SIPA1L2: variants seen among roughly 807,000 people sequenced by gnomAD.
SIPA1L2 encodes signal-induced proliferation-associated 1-like protein 2.
SIPA1L2 carries 56 observed loss-of-function variants against 163.9 expected under a neutral mutation model. The ratio of observed to expected loss-of-function variants is 0.34; its 90% confidence interval spans 0.28 to 0.43. The LOEUF (loss-of-function observed/expected upper bound fraction) is 0.43. Ranked by LOEUF, SIPA1L2 falls within the 20% of genes least tolerant of loss-of-function variation. The pLI is 1.00. For missense variants in SIPA1L2, 1,974 were observed against 2,193.5 expected (o/e 0.90, Z 2.00); for synonymous variants, 877 against 865.7 (o/e 1.01, Z -0.23).
At position 232,553,519 on chromosome 1, in the gene SIPA1L2, G is replaced by A. The variant is rs560223090; in HGVS notation, c.-270+20655C>T. ...GCCCTCTTCTACCCAGTATTTCCCT[G>A]TTTCCTGTCTCTTGTCCATATCACT... On this transcript the variant is annotated intron_variant, in intron 2 of 22. Coordinates refer to ENST00000674635, the MANE Select transcript of SIPA1L2 (RefSeq NM_020808.5). Among the ~76,000 whole-genome samples, 11 of 152,268 alleles carry A rather than the reference G, an allele frequency of 7.2e-5. No homozygotes were observed. The South Asian group carries it at 1.2e-3, about 17-fold the overall frequency.
At chr1:232,471,244 A>G (rs1357347290) in intron 8 of SIPA1L2, 127 bp downstream of exon 8, 3 of 1,008,438 alleles carry the variant, frequency 3.0e-6, no homozygotes, top group Non-Finnish European at 4.4e-6. Context: ...TTTCTTACAG[A>G]AAGTGTCTGA....
intron 5 of SIPA1L2, among the ~76,000 whole-genome samples, chr1:232,484,569 T>C (rs2102980503): frequency 6.6e-6 from 1 of 150,570 alleles, no homozygotes; most frequent in Non-Finnish European, 1.5e-5. Flanking sequence ...TTACATTCAT[T>C]TGTTACATTT....
intron 1 of SIPA1L2, among the ~76,000 whole-genome samples, chr1:232,607,480 G>C (rs1269421457): frequency 6.6e-6 from 1 of 152,024 alleles, no homozygotes; most frequent in Non-Finnish European, 1.5e-5. Flanking sequence ...TAGACCACTT[G>C]TGATTATTTC....
In SIPA1L2 at chr1:232,514,092, A is replaced by G; in HGVS notation, c.1248T>C (p.Thr416=). 1 of 1,614,164 alleles carries G rather than the reference A, an allele frequency of 6.2e-7. No individual in the cohort carries two copies. Residue 416 remains threonine, a synonymous_variant, in exon 3 of 23, where the codon ACT becomes ACC. Transcript: ENST00000674635. ...CAATCCGCCTGTCGCCTTCCCCTCC[A>G]GTCTCATTTCTAAAGTAAGGACAAC... The part of the protein sequence containing the change: ...VLSCPYFRNE[T]GGEGDRRIAL...
intron 2 of SIPA1L2, among the ~76,000 whole-genome samples, chr1:232,537,536 A>T (rs369070293): frequency 2.6e-5 from 4 of 152,214 alleles, no homozygotes; most frequent in African/African-American, 9.6e-5. Context: ...TAGGAAAATG[A>T]TAAATTTTCT....
chr1:232,567,330 A>G (rs529512801), intron 2 of SIPA1L2, among the ~76,000 whole-genome samples: 6 of 152,358 alleles, frequency 3.9e-5, no homozygotes, highest in Non-Finnish European at 8.8e-5. Flanking sequence ...AATACACTGC[A>G]AATGAGAGAC....
At chr1:232,518,536 G>C (rs1208393264) in intron 2 of SIPA1L2, among the ~76,000 whole-genome samples, 17 of 152,052 alleles carry the variant, frequency 1.1e-4, no homozygotes, top group Admixed American at 1.1e-3. Flanking sequence ...CCCTGCCCCA[G>C]ACATACCAAG....
chr1:232,598,440 CTAACTCAAAGACACCTGT>C (rs1661400296), intron 1 of SIPA1L2, among the ~76,000 whole-genome samples: 1 of 152,176 alleles, frequency 6.6e-6, no homozygotes, highest in South Asian at 2.1e-4. Context: ...CAGCTTGTAG[CTAACTCAAAGACACCTGT>C]TGTCTTTTGA....
intron 1 of SIPA1L2, among the ~76,000 whole-genome samples, chr1:232,592,630 T>C (rs371290933): frequency 8.5e-5 from 13 of 152,344 alleles, no homozygotes; most frequent in African/African-American, 2.6e-4. Flanking sequence ...GAAAGTTTAC[T>C]GTTACCCCAA....
rs566663687 is a variant in SIPA1L2, at chr1:232,544,432, C to T, written c.-269-28824G>A. Among the ~76,000 whole-genome samples the T allele has an allele frequency of 8.3e-4, 126 of 152,038 alleles. 1 individual carries two copies. The highest frequency in any genetic ancestry group is 2.8e-3 in the African/African-American group (118 of 41,474). ...AAAATTAGCCAGGCGTGGTGGCAGGCGCCTGTAGTCCCAGCTACTTGGGAG... is the reference window on the plus strand; with the variant it reads ...AAAATTAGCCAGGCGTGGTGGCAGGTGCCTGTAGTCCCAGCTACTTGGGAG... On this transcript the variant is annotated intron_variant, in intron 2 of 22. Transcript: ENST00000674635.
chr1:232,453,792 C>G (rs1270042284), intron 10 of SIPA1L2, among the ~76,000 whole-genome samples: 2 of 150,626 alleles, frequency 1.3e-5, no homozygotes, highest in Non-Finnish European at 3.0e-5. Context: ...GTTACTGCAG[C>G]CTACACTATG....
chr1:232,499,273 T>TA (rs540993371), intron 3 of SIPA1L2, among the ~76,000 whole-genome samples: 327 of 152,314 alleles, frequency 2.1e-3, no homozygotes, highest in African/African-American at 5.2e-3. Context: ...GGCTGAAAGC[T>TA]AGGCCTCTTG....
chr1:232,547,783 T>C (rs1658131267), intron 2 of SIPA1L2, among the ~76,000 whole-genome samples: 2 of 152,098 alleles, frequency 1.3e-5, no homozygotes, highest in Admixed American at 1.3e-4. Flanking sequence ...TCCAAAGCCC[T>C]CTCATTTCCA....
chr1:232,552,379 C>G (rs1658444017), intron 2 of SIPA1L2, among the ~76,000 whole-genome samples: 2 of 151,964 alleles, frequency 1.3e-5, no homozygotes, highest in South Asian at 4.1e-4. Context: ...CTGACACAGA[C>G]TAAGTAATTA....
At chr1:232,490,747 TA>T in intron 5 of SIPA1L2, 126 bp downstream of exon 5, 1 of 1,009,462 alleles carries the variant, frequency 9.9e-7, no homozygotes, top group Non-Finnish European at 1.4e-6. Context: ...TGGGAAAAAC[TA>T]AAGAGAAAAT....
rs149226360 is a variant in SIPA1L2 at position 232,502,191 on chromosome 1, G to A, written c.1484-8531C>T. Among the ~76,000 whole-genome samples, 481 of 152,144 alleles carry A rather than the reference G, an allele frequency of 3.2e-3. 6 individuals are homozygous for A. The highest frequency in any genetic ancestry group is 0.011 in the African/African-American group (459 of 41,494). ...CCTTTCTTAACCTCAGAATCCTCCC[G>A]GCTCCTAATGTATCTAATCCATATA... On this transcript the variant is annotated intron_variant, in intron 3 of 22. Transcript: ENST00000674635.
intron 10 of SIPA1L2, among the ~76,000 whole-genome samples, chr1:232,452,961 T>C (rs1469107464): frequency 2.6e-5 from 4 of 152,170 alleles, no homozygotes; most frequent in African/African-American, 4.8e-5. Flanking sequence ...ATTACTTCTG[T>C]TTCCACAAAA....
rs369718827 is a variant in SIPA1L2 at position 232,539,615 on chromosome 1, C to A, written c.-269-24007G>T. On this transcript the variant is annotated intron_variant, in intron 2 of 22. Transcript: ENST00000674635. ...TGAGGTTTTAAAGGAGAGGATCTCA[C>A]GCAGGTTGTACAAGAAGAGCAAACA... Among the ~76,000 whole-genome samples the A allele has an allele frequency of 4.6e-5, 7 of 152,256 alleles. No individual in the cohort carries two copies. The East Asian group carries it at 1.4e-3, about 29-fold the overall frequency.
intron 1 of SIPA1L2, among the ~76,000 whole-genome samples, chr1:232,579,826 A>T (rs531047533): frequency 6.5e-4 from 99 of 152,322 alleles, no homozygotes; most frequent in South Asian, 1.4e-3. Context: ...ACAAAACAAA[A>T]GAACTTAAAG....
Sources: allele counts gnomAD v4.1 joint callset (sites outside exome capture counted in the v4.1 genomes callset), GRCh38; gene constraint gnomAD v4.1.1; transcripts MANE v1.5; gene names NCBI Gene and HGNC (gene_info 2026-07-23, HGNC 2026-07-21).